Variants in JAK1 observed in about 807,000 individuals in gnomAD.
JAK1 encodes tyrosine-protein kinase JAK1.
A neutral mutation model predicts 136.6 loss-of-function variants in JAK1; 16 were observed. The observed-to-expected ratio is 0.12, with a 90% CI of 0.08 to 0.18. The LOEUF (loss-of-function observed/expected upper bound fraction) is 0.18. Among genes scored for constraint, JAK1 ranks in the 10% least tolerant of loss-of-function variants. JAK1 has a pLI of 1.00. For synonymous variants in JAK1, 492 were observed against 519.5 expected (o/e 0.95, Z 0.72); for missense variants, 859 against 1,450.1 (o/e 0.59, Z 6.62).
chr1:65,026,744 T>A (rs1646980737), intron 2 of JAK1, among the ~76,000 whole-genome samples: 1 of 152,022 alleles, frequency 6.6e-6, no homozygotes, highest in African/African-American at 2.4e-5. Flanking sequence ...GGCGGGCAGA[T>A]CACCTGAGGC....
At chr1:64,888,243 A>G (rs1386066442) in intron 1 of JAK1, among the ~76,000 whole-genome samples, 1 of 152,212 alleles carries the variant, frequency 6.6e-6, no homozygotes. Context: ...GTGCAGTGGC[A>G]TGATCTCAGC....
At chr1:65,034,175 C>T (rs748306363) in intron 2 of JAK1, among the ~76,000 whole-genome samples, 6 of 152,106 alleles carry the variant, frequency 3.9e-5, no homozygotes, top group Non-Finnish European at 7.4e-5. Flanking sequence ...CTGAATATAA[C>T]GTATTTGATA....
At chr1:64,941,931 C>T (rs555407741) in intron 1 of JAK1, 1 of 152,218 alleles carries the variant, frequency 6.6e-6, no homozygotes, top group South Asian at 2.1e-4. Flanking sequence ...AAAGCCCTAC[C>T]GACTGGAGCC....
chr1:64,905,670 A>G (rs1429478412), intron 1 of JAK1, among the ~76,000 whole-genome samples: 1 of 152,192 alleles, frequency 6.6e-6, no homozygotes, highest in African/African-American at 2.4e-5. Flanking sequence ...ACCCAATCCC[A>G]TAAAATAGAC....
chr1:64,974,617 AG>A (rs1427696848), intron 2 of JAK1: 1 of 152,246 alleles, frequency 6.6e-6, no homozygotes. Flanking sequence ...AGGATTAGCC[AG>A]GCAAGAGATG....
At chr1:65,010,923 G>C (rs1646843627) in intron 2 of JAK1, among the ~76,000 whole-genome samples, 1 of 152,138 alleles carries the variant, frequency 6.6e-6, no homozygotes, top group Admixed American at 6.5e-5. Context: ...GCCACTTTGT[G>C]GCTGTAGTGA....
intron 2 of JAK1, among the ~76,000 whole-genome samples, chr1:65,028,113 C>G (rs1646993269): frequency 6.6e-6 from 1 of 152,152 alleles, no homozygotes; most frequent in Admixed American, 6.5e-5. Context: ...GGTTTCTTGT[C>G]TGAAATATTT....
chr1:64,847,409 G>A, intron 13 of JAK1, 123 bp downstream of exon 13: 1 of 1,221,954 alleles, frequency 8.2e-7, no homozygotes, highest in South Asian at 1.4e-5. Context: ...AAAATTCTGA[G>A]TAAAAGGCAA....
intron 11 of JAK1, among the ~76,000 whole-genome samples, chr1:64,853,218 G>C (rs1208925429): frequency 6.6e-6 from 1 of 152,178 alleles, no homozygotes; most frequent in Non-Finnish European, 1.5e-5. Context: ...GGAAGAGAGA[G>C]AGCTTTGGGG....
At chr1:65,038,625 C>T (rs1289915420) in intron 2 of JAK1, among the ~76,000 whole-genome samples, 1 of 152,074 alleles carries the variant, frequency 6.6e-6, no homozygotes, top group East Asian at 1.9e-4. Flanking sequence ...CAAACCTCCC[C>T]ATTCCTTTAG....
At chr1:65,062,989 C>T (rs1398963131) in intron 1 of JAK1, among the ~76,000 whole-genome samples, 1 of 152,180 alleles carries the variant, frequency 6.6e-6, no homozygotes, top group Non-Finnish European at 1.5e-5. Context: ...CCGAATAGCT[C>T]CTAAGTTCCT....
chr1:64,909,563 G>A (rs1645247518), intron 1 of JAK1, among the ~76,000 whole-genome samples: 2 of 151,782 alleles, frequency 1.3e-5, no homozygotes, highest in Admixed American at 1.3e-4. Flanking sequence ...GCTCCCGCTT[G>A]TAATCCCAGC....
At chr1:64,945,356 G>A (rs1645965097) in intron 1 of JAK1, among the ~76,000 whole-genome samples, 2 of 151,944 alleles carry the variant, frequency 1.3e-5, no homozygotes, top group Admixed American at 6.6e-5. Flanking sequence ...CCACTTCTGG[G>A]AATTTATCTG....
upstream of JAK1, among the ~76,000 whole-genome samples, chr1:64,969,895 G>T (rs1646434841): frequency 6.6e-6 from 1 of 151,920 alleles, no homozygotes; most frequent in South Asian, 2.1e-4. Flanking sequence ...CAGCATTTTG[G>T]GAGTTCAGGA....
intron 2 of JAK1, among the ~76,000 whole-genome samples, chr1:65,026,231 C>A (rs556670): frequency 0.23 from 35,009 of 152,006 alleles, 5,202 homozygotes; most frequent in African/African-American, 0.38. Context: ...GAACCATTAC[C>A]TTATTGAGCC....
At chr1:65,037,374 G>A (rs902008585) in intron 2 of JAK1, among the ~76,000 whole-genome samples, 10 of 151,922 alleles carry the variant, frequency 6.6e-5, no homozygotes, top group African/African-American at 2.4e-4. Flanking sequence ...CAAACTCCTG[G>A]CTCAACTCCT....
chr1:64,894,528 G>A (rs1369145155), intron 1 of JAK1, among the ~76,000 whole-genome samples: 1 of 152,166 alleles, frequency 6.6e-6, no homozygotes. Context: ...GGACGCCAAG[G>A]TGGGCGGATC....
intron 1 of JAK1, among the ~76,000 whole-genome samples, chr1:64,897,567 A>G (rs980405970): frequency 2.6e-5 from 2 of 77,142 alleles, no homozygotes; most frequent in African/African-American, 6.1e-5. Context: ...GAGGAGGAGG[A>G]GGAGGAGGAG....
At chr1:65,046,713 T>C (rs1647186239) in intron 1 of JAK1, among the ~76,000 whole-genome samples, 1 of 151,774 alleles carries the variant, frequency 6.6e-6, no homozygotes, top group South Asian at 2.1e-4. Context: ...TCTGAAATTC[T>C]GGTTTTTTGT....
Sources: gnomAD v4.1 joint callset for allele counts (sites outside exome capture counted in the v4.1 genomes callset) on GRCh38, gnomAD v4.1.1 for gene constraint, MANE v1.5 for transcripts, NCBI Gene and HGNC (gene_info 2026-07-23, HGNC 2026-07-21) for gene names.